Variants in AGBL4 observed in about 807,000 individuals in gnomAD.
The protein encoded by AGBL4 is cytosolic carboxypeptidase 6.
In AGBL4, 58 loss-of-function variants were observed where a neutral mutation model predicts 66.4. The ratio of observed to expected loss-of-function variants is 0.87; its 90% CI spans 0.71 to 1.09. The LOEUF (loss-of-function observed/expected upper bound fraction) is 1.09, where lower values mean the gene tolerates loss of function less well. Ranked by LOEUF, AGBL4 falls within the 50% of genes least tolerant of loss-of-function variation. The pLI is 0.00. For synonymous variants in AGBL4, 234 were observed against 222.9 expected, an observed-to-expected ratio of 1.05 and a Z score of -0.44; for missense variants, 579 against 631.0, an observed-to-expected ratio of 0.92 and a Z score of 0.88.
intron 2 of AGBL4, among the ~76,000 whole-genome samples, chr1:49,821,902 T>C (rs1187653465): frequency 6.6e-6 from 1 of 152,186 alleles, no homozygotes; most frequent in Non-Finnish European, 1.5e-5. Context: ...TATCAATTCT[T>C]TTTTTAACTA....
chr1:48,707,192 G>A (rs1437510577), intron 6 of AGBL4, among the ~76,000 whole-genome samples: 2 of 152,156 alleles, frequency 1.3e-5, no homozygotes, highest in African/African-American at 4.8e-5. Context: ...TACTTGGGAG[G>A]CTGAGGTGGG....
At chr1:49,294,427 A>T (rs1644601313) in intron 3 of AGBL4, among the ~76,000 whole-genome samples, 2 of 152,212 alleles carry the variant, frequency 1.3e-5, no homozygotes, top group African/African-American at 4.8e-5. Flanking sequence ...CTTCCTAATG[A>T]AAAACTTTCC....
At chr1:48,594,249 T>C (rs187946125) in intron 9 of AGBL4, among the ~76,000 whole-genome samples, 118 of 152,206 alleles carry the variant, frequency 7.8e-4, no homozygotes, top group African/African-American at 2.7e-3. Flanking sequence ...ACTTGAACCC[T>C]GGGCGCAGAT....
At chr1:49,432,547 A>G (rs1403392516) in intron 3 of AGBL4, among the ~76,000 whole-genome samples, 1 of 152,160 alleles carries the variant, frequency 6.6e-6, no homozygotes, top group Non-Finnish European at 1.5e-5. Context: ...GTATTCTTGC[A>G]TATATGTATG....
intron 3 of AGBL4, among the ~76,000 whole-genome samples, chr1:49,351,796 T>C (rs1643914281): frequency 6.6e-6 from 1 of 152,200 alleles, no homozygotes; most frequent in Non-Finnish European, 1.5e-5. Flanking sequence ...ACTATGTGAT[T>C]CTGGCCAAGT....
chr1:49,656,472 T>C (rs746308400), intron 3 of AGBL4, among the ~76,000 whole-genome samples: 2 of 151,882 alleles, frequency 1.3e-5, no homozygotes, highest in South Asian at 2.1e-4. Context: ...TTCCAATCAA[T>C]AGAAAAAGAG....
intron 2 of AGBL4, chr1:49,844,945 C>A: frequency 1.5e-6 from 2 of 1,360,632 alleles, no homozygotes; most frequent in South Asian, 1.2e-5. Flanking sequence ...AAACAGAAGT[C>A]TGAACCCTGA....
intron 3 of AGBL4, among the ~76,000 whole-genome samples, chr1:49,541,369 C>T (rs1025203775): frequency 1.4e-4 from 22 of 152,234 alleles, no homozygotes; most frequent in African/African-American, 5.3e-4. Context: ...TGCGGGCGGT[C>T]CTTGTGGGCC....
rs548703837 is a variant in AGBL4, at chr1:49,049,361, C to T, written c.378-3561G>A. 6.6e-5 allele frequency among the ~76,000 whole-genome samples: 10 copies of T among 152,024 alleles called. No homozygotes were observed. In the South Asian group the frequency reaches 1.7e-3, roughly 25 times the overall value. The stretch of plus-strand genomic sequence containing the variant: ...AACACAGCTCTTCTCTAAAGCCTTC[C>T]CTGACTATTGAGTCTTCCTTATTTT... On this transcript the variant is annotated intron_variant, in intron 4 of 13. Coordinates refer to ENST00000371839, the MANE Select transcript of AGBL4 (RefSeq NM_032785.4).
chr1:48,809,299 T>C (rs776038902), intron 6 of AGBL4, among the ~76,000 whole-genome samples: 1 of 152,160 alleles, frequency 6.6e-6, no homozygotes, highest in African/African-American at 2.4e-5. Flanking sequence ...GTCCCATTTA[T>C]AGATCGGAAA....
At chr1:48,700,937 C>T (rs1646790881) in intron 6 of AGBL4, among the ~76,000 whole-genome samples, 1 of 152,194 alleles carries the variant, frequency 6.6e-6, no homozygotes, top group African/African-American at 2.4e-5. Flanking sequence ...TCTCCTCCCA[C>T]CCCAACGAGA....
chr1:50,004,967 T>C (rs1252972811), intron 1 of AGBL4, among the ~76,000 whole-genome samples: 1 of 152,078 alleles, frequency 6.6e-6, no homozygotes, highest in Admixed American at 6.6e-5. Flanking sequence ...TCTTGGAATA[T>C]GCAATTCCAG....
Position 48,849,739 on chromosome 1 carries a change from G to A in AGBL4, c.634+17452C>T, listed in dbSNP as rs557156633. On this transcript the variant is annotated intron_variant, in intron 6 of 13. Coordinates refer to ENST00000371839, the MANE Select transcript of AGBL4 (RefSeq NM_032785.4). ...TGTAATCCCAGCACTTTGGGAGGCC[G>A]AAGTGGACGAATCACTTGAGGTCAG... Among the ~76,000 whole-genome samples, 6 of 152,318 alleles carry A rather than the reference G, an allele frequency of 3.9e-5. No homozygotes were observed. The East Asian group carries it at 7.7e-4, about 20-fold the overall frequency.
intron 11 of AGBL4, chr1:48,585,660 T>G (rs1241371190): frequency 1.3e-5 from 2 of 152,188 alleles, no homozygotes; most frequent in Non-Finnish European, 2.9e-5. Context: ...TAGGGAACTC[T>G]CAGTTCCAAT....
chr1:49,555,215 C>T (rs1020207410), intron 3 of AGBL4, among the ~76,000 whole-genome samples: 2 of 151,984 alleles, frequency 1.3e-5, no homozygotes, highest in African/African-American at 4.8e-5. Context: ...CATTTACAAA[C>T]CTTGAGCTAG....
chr1:49,602,911 T>C (rs1433617609), intron 3 of AGBL4, among the ~76,000 whole-genome samples: 1 of 151,998 alleles, frequency 6.6e-6, no homozygotes, highest in Non-Finnish European at 1.5e-5. Flanking sequence ...TTTTACTGAG[T>C]ACCAAACGAG....
intron 1 of AGBL4, among the ~76,000 whole-genome samples, chr1:50,016,313 T>G (rs1661979993): frequency 6.6e-6 from 1 of 152,084 alleles, no homozygotes; most frequent in African/African-American, 2.4e-5. Flanking sequence ...TGTAATCGTA[T>G]CACTTTGGGA....
At chr1:48,755,988 GGC>G (rs1643903727) in intron 6 of AGBL4, among the ~76,000 whole-genome samples, 1 of 152,182 alleles carries the variant, frequency 6.6e-6, no homozygotes, top group Admixed American at 6.5e-5. Flanking sequence ...GCCAACTACT[GGC>G]TGGGGGTGCC....
intron 2 of AGBL4, 44 bp downstream of exon 2, chr1:49,851,352 C>A: frequency 1.3e-6 from 2 of 1,503,666 alleles, no homozygotes; most frequent in South Asian, 1.3e-5. Flanking sequence ...AAAAGAAATG[C>A]CTTACCAGAC....
Sources: gnomAD v4.1 joint callset for allele counts (sites outside exome capture counted in the v4.1 genomes callset) on GRCh38, gnomAD v4.1.1 for gene constraint, MANE v1.5 for transcripts, NCBI Gene and HGNC (gene_info 2026-07-23, HGNC 2026-07-21) for gene names.